COL19A1: variants seen among roughly 807,000 people sequenced by gnomAD.
COL19A1 encodes the protein collagen alpha-1(XIX) chain.
COL19A1 carries 159 observed loss-of-function variants against 190.2 expected under a neutral mutation model. The ratio of observed to expected loss-of-function variants is 0.84; its 90% CI spans 0.73 to 0.95. COL19A1 has a LOEUF of 0.95. Ranked by LOEUF, COL19A1 falls within the 40% of genes least tolerant of loss-of-function variation. COL19A1 has a pLI of 0.00. For missense variants in COL19A1, 1,418 were observed against 1,431.9 expected (o/e 0.99, Z 0.16); for synonymous variants, 509 against 458.9 (o/e 1.11, Z -1.39).
intron 5 of COL19A1, 52 bp from the exon 6 acceptor site, chr6:69,929,373 A>C (rs1772602832): frequency 5.8e-6 from 9 of 1,542,856 alleles, no homozygotes; most frequent in Admixed American, 1.9e-5. Flanking sequence ...GTGCTTTAAT[A>C]ATTTTGAACA....
At chr6:70,100,923 A>G (rs1184847159) in intron 15 of COL19A1, among the ~76,000 whole-genome samples, 1 of 152,114 alleles carries the variant, frequency 6.6e-6, no homozygotes, top group East Asian at 1.9e-4. Context: ...TTCTCATCCA[A>G]TCCCAGCATT....
rs553891506 is a variant in COL19A1 at position 69,943,253 on chromosome 6, T to C, written c.936+5153T>C. ...TTTAAAATCAGATTATTGGGGTTTT[T>C]GTTTGTTTGTTGCTGTTGAGTTGCT... On this transcript the variant is annotated intron_variant, in intron 9 of 50. Coordinates refer to ENST00000620364, the MANE Select transcript of COL19A1 (RefSeq NM_001858.6). Among the ~76,000 whole-genome samples the C allele has an allele frequency of 7.9e-5, 12 of 152,236 alleles. 1 individual carries two copies. The South Asian group carries it at 2.1e-3, about 26-fold the overall frequency.
intron 15 of COL19A1, among the ~76,000 whole-genome samples, chr6:70,090,586 C>A (rs766409986): frequency 3.9e-5 from 6 of 152,002 alleles, no homozygotes; most frequent in Non-Finnish European, 8.8e-5. Context: ...ACTCTACACA[C>A]CTGTAAGGAA....
intron 11 of COL19A1, among the ~76,000 whole-genome samples, chr6:69,986,719 G>A (rs1006554839): frequency 2.0e-5 from 3 of 152,084 alleles, no homozygotes; most frequent in Non-Finnish European, 2.9e-5. Flanking sequence ...TGCTTATTTT[G>A]AAACCAGTTC....
intron 15 of COL19A1, 33 bp from the exon 16 acceptor site, chr6:70,102,136 A>G (rs370179319): frequency 1.8e-5 from 27 of 1,540,854 alleles, no homozygotes; most frequent in Middle Eastern, 1.7e-4. Context: ...ATGGAGTCAC[A>G]GTATTTATCA....
intron 15 of COL19A1, among the ~76,000 whole-genome samples, chr6:70,095,018 G>C (rs1460301201): frequency 6.6e-6 from 1 of 152,142 alleles, no homozygotes; most frequent in Non-Finnish European, 1.5e-5. Context: ...CATAGTCCAA[G>C]CAACAGAACA....
chr6:70,146,578 G>A (rs1048813742), intron 25 of COL19A1, 81 bp from the exon 26 acceptor site: 30 of 1,046,918 alleles, frequency 2.9e-5, no homozygotes, highest in Non-Finnish European at 3.7e-5. Flanking sequence ...GAAGAGTGAT[G>A]AAACATATTT....
chr6:69,868,932 A>G (rs964454583), intron 1 of COL19A1, among the ~76,000 whole-genome samples: 2 of 152,222 alleles, frequency 1.3e-5, no homozygotes, highest in African/African-American at 4.8e-5. Flanking sequence ...TAGTGTGACT[A>G]AGAGGCATCA....
At position 70,109,533 on chromosome 6, in the gene COL19A1, G is replaced by A. The variant is rs1582932739; in HGVS notation, c.1278+7311G>A. ...CCATGAAATAACCAGTTACATCTCC[G>A]TTTTGTAAGTGTGTGTGTGTGTGTG... On this transcript the variant is annotated intron_variant, in intron 16 of 50. Coordinates refer to ENST00000620364, the MANE Select transcript of COL19A1 (RefSeq NM_001858.6). Among the ~76,000 whole-genome samples the A allele has an allele frequency of 2.3e-5, 3 of 131,722 alleles. 1 individual carries two copies. Among genetic ancestry groups the A allele is most frequent in the East Asian group, 4.6e-4 (2 of 4,304 alleles). The allele number at this position is 131,722 out of a possible 152,430, so 86.4% of individuals were successfully genotyped here. A position where few individuals can be genotyped will look rare whatever the true frequency, so the allele number is the denominator to read the frequency against.
chr6:69,928,717 A>G (rs1772557411), intron 5 of COL19A1, among the ~76,000 whole-genome samples: 2 of 152,134 alleles, frequency 1.3e-5, no homozygotes, highest in African/African-American at 2.4e-5. Flanking sequence ...AGGAGAGCAT[A>G]TAGAAGAGAT....
chr6:69,899,652 T>G (rs745574853), intron 3 of COL19A1, among the ~76,000 whole-genome samples: 7 of 152,154 alleles, frequency 4.6e-5, no homozygotes, highest in Non-Finnish European at 7.4e-5. Flanking sequence ...AAAGACAAGA[T>G]TACCATTTTG....
chr6:70,064,811 T>A (rs534543339), intron 14 of COL19A1, among the ~76,000 whole-genome samples: 1 of 152,000 alleles, frequency 6.6e-6, no homozygotes, highest in African/African-American at 2.4e-5. Context: ...TATACACCAA[T>A]AACAAACAAA....
At chr6:69,904,360 A>G (rs967752486) in intron 4 of COL19A1, among the ~76,000 whole-genome samples, 1 of 152,228 alleles carries the variant, frequency 6.6e-6, no homozygotes, top group African/African-American at 2.4e-5. Flanking sequence ...CCTTGTGCCA[A>G]CCATCGGCAC....
intron 8 of COL19A1, among the ~76,000 whole-genome samples, chr6:69,937,558 A>T (rs1051564683): frequency 6.6e-6 from 1 of 152,128 alleles, no homozygotes; most frequent in Admixed American, 6.6e-5. Flanking sequence ...CAGTGCCCAT[A>T]CCTGAGGAAA....
At position 70,207,850 on chromosome 6, in the gene COL19A1, A is replaced by G. The variant is rs1358644880; in HGVS notation, c.*576A>G. On this transcript the variant is annotated 3_prime_UTR_variant, in exon 51 of 51. Transcript: ENST00000620364. ...ATAGGCAATAAGAACTTCATTTTAC[A>G]ATTTATGTTTTCAAAAAAAAAATGC... 1.3e-5 allele frequency: 2 copies of G among 152,008 alleles called. No individual in the cohort carries two copies. Among genetic ancestry groups the G allele is most frequent in the Non-Finnish European group, 2.9e-5 (2 of 68,010 alleles). 9.4% of individuals were successfully genotyped at this position (152,008 alleles called of 1,614,324 possible).
chr6:70,174,421 G>A (rs545366076), intron 41 of COL19A1, among the ~76,000 whole-genome samples: 30 of 152,260 alleles, frequency 2.0e-4, no homozygotes, highest in African/African-American at 6.0e-4. Flanking sequence ...TTAGCCAAGC[G>A]TGGTGGCAGG....
rs1399158189 is a variant in COL19A1, at chr6:70,130,208, C to A, written c.1368C>A (p.Gly456=). 1.2e-6 allele frequency: 2 copies of A among 1,612,136 alleles called. No individual in the cohort carries two copies. Among genetic ancestry groups the A allele is most frequent in the East Asian group, 4.5e-5 (2 of 44,824 alleles). ...GAAATGATGAACATGAAGCTGGAGGCCTGAAAGGAGACAAGGTAATCAGAT... is the reference window on the plus strand; with the variant it reads ...GAAATGATGAACATGAAGCTGGAGGACTGAAAGGAGACAAGGTAATCAGAT... The part of the protein sequence containing the change: ...NKGNDEHEAG[G]LKGDKGETGL... Residue 456 remains glycine, a synonymous_variant, in exon 18 of 51, where the codon GGC becomes GGA. Coordinates refer to ENST00000620364, the MANE Select transcript of COL19A1 (RefSeq NM_001858.6).
intron 4 of COL19A1, among the ~76,000 whole-genome samples, chr6:69,918,935 C>T (rs919426432): frequency 6.6e-6 from 1 of 152,120 alleles, no homozygotes. Flanking sequence ...ATTACAATGC[C>T]TTTCCCCTCC....
At position 70,144,948 on chromosome 6, in the gene COL19A1, G is replaced by A. The variant is rs150657474; in HGVS notation, c.1711G>A (p.Gly571Arg). 50 of 1,589,820 alleles carry A rather than the reference G, an allele frequency of 3.1e-5. No homozygotes were observed. The highest frequency in any genetic ancestry group is 1.7e-4 in the Middle Eastern group (1 of 6,038). ...GDPGGIIGPPGLPGPKGEAGP... is the reference protein window; with the variant it reads ...GDPGGIIGPPRLPGPKGEAGP... Reference sequence around the variant, plus strand: ...TCCGGGTGGGATCATAGGCCCTCCCGGGCTTCCAGGTCCAAAAGGTGAGGC... The same window carrying A: ...TCCGGGTGGGATCATAGGCCCTCCCAGGCTTCCAGGTCCAAAAGGTGAGGC... The change falls in exon 25 of 51, where the codon GGG (glycine) becomes AGG (arginine). Residue 571 changes from glycine to arginine, a missense_variant. Coordinates refer to ENST00000620364, the MANE Select transcript of COL19A1 (RefSeq NM_001858.6).
Sources: allele counts gnomAD v4.1 joint callset (sites outside exome capture counted in the v4.1 genomes callset), GRCh38; gene constraint gnomAD v4.1.1; transcripts MANE v1.5; gene names NCBI Gene and HGNC (gene_info 2026-07-23, HGNC 2026-07-21).